The following PTPRF variants were observed in gnomAD, a reference collection of about 807,000 sequenced individuals.
PTPRF encodes the protein protein tyrosine phosphatase receptor type F, also known as receptor-type tyrosine-protein phosphatase F.
A neutral mutation model predicts 201.8 loss-of-function variants in PTPRF; 59 were observed. The observed-to-expected ratio is 0.29, with a 90% CI of 0.24 to 0.36. PTPRF has a LOEUF of 0.36. Ranked by LOEUF, PTPRF falls within the 10% of genes least tolerant of loss-of-function variation. The probability of loss-of-function intolerance (pLI) is 1.00; values close to 1 mark genes in which losing one functional copy is unlikely to be tolerated. For synonymous variants in PTPRF, 1,088 were observed against 1,089.7 expected, an observed-to-expected ratio of 1.00 and a Z score of 0.03; for missense variants, 2,132 against 2,690.5, an observed-to-expected ratio of 0.79 and a Z score of 4.59.
In PTPRF at chr1:43,602,234, G is replaced by A. The variant is rs141723169; in HGVS notation, c.2340+137G>A. The A allele has an allele frequency of 3.1e-4, 329 of 1,068,888 alleles. No homozygotes were observed. The African/African-American group carries it at 4.2e-3, about 14-fold the overall frequency. 66.2% of individuals were successfully genotyped at this position (1,068,888 alleles called of 1,614,324 possible). A position where few individuals can be genotyped will look rare whatever the true frequency, so the allele number is the denominator to read the frequency against. On this transcript the variant is annotated intron_variant, in intron 14 of 33. Transcript: ENST00000359947. ...CTAGCCACATCAGGAGAAAATTGGC[G>A]TTTAGACACAAGCACTGAGCTGAGC...
At chr1:43,598,990 A>C in intron 13 of PTPRF, 77 bp downstream of exon 13, 5 of 1,467,116 alleles carry the variant, frequency 3.4e-6, no homozygotes, top group Non-Finnish European at 4.6e-6. Flanking sequence ...GGGCCCAGAT[A>C]TGTCCCTCTT....
chr1:43,621,894 C>T lies in PTPRF; in HGVS notation c.5656-41C>T, dbSNP rs1228486653. 3.8e-6 allele frequency: 6 copies of T among 1,594,978 alleles called. No individual in the cohort carries two copies. In the African/African-American group the frequency reaches 5.4e-5, roughly 14 times the overall value. ...GTGTCAGCTGTGTAGTGGGGGTGTC[C>T]ACTGGCGCGACCCACACTGACCAGC... On this transcript the variant is annotated intron_variant, in intron 33 of 33. Transcript: ENST00000359947.
At chr1:43,614,665 C>G (rs1000706630) in intron 23 of PTPRF, among the ~76,000 whole-genome samples, 2 of 152,096 alleles carry the variant, frequency 1.3e-5, no homozygotes, top group African/African-American at 4.8e-5. Flanking sequence ...AGCCTGGCCA[C>G]CGTGGCGAAA....
At chr1:43,547,459 A>G (rs1004890099) in intron 3 of PTPRF, among the ~76,000 whole-genome samples, 1 of 152,236 alleles carries the variant, frequency 6.6e-6, no homozygotes, top group African/African-American at 2.4e-5. Context: ...ACCGAGCCGC[A>G]GGAGCCAGGG....
chr1:43,590,966 C>T lies in PTPRF; in HGVS notation c.950-6C>T, dbSNP rs1650529960. The stretch of plus-strand genomic sequence containing the variant: ...GGCAGCTTTGAGCCTTCCACTTTGT[C>T]TCCAGCTCTTCCAAAGCCTCCGATT... On this transcript the variant is annotated splice_polypyrimidine_tract_variant and splice_region_variant and intron_variant, in intron 8 of 33. Coordinates refer to ENST00000359947, the MANE Select transcript of PTPRF (RefSeq NM_002840.5). 1 of 1,600,510 alleles carries T rather than the reference C, an allele frequency of 6.2e-7. No individual in the cohort carries two copies. The highest frequency in any genetic ancestry group is 1.3e-5 in the African/African-American group (1 of 74,556).
intron 5 of PTPRF, among the ~76,000 whole-genome samples, chr1:43,564,184 T>G (rs1468495465): frequency 6.6e-6 from 1 of 152,164 alleles, no homozygotes; most frequent in Non-Finnish European, 1.5e-5. Context: ...CAGGCCCCCC[T>G]TACTGCCTGG....
In PTPRF at chr1:43,554,063, G is replaced by A. The variant is rs993646578; in HGVS notation, c.379+122G>A. 2.2e-6 allele frequency: 3 copies of A among 1,343,434 alleles called. No individual in the cohort carries two copies. Among genetic ancestry groups the A allele is most frequent in the African/African-American group, 2.9e-5 (2 of 68,748 alleles). The allele number at this position is 1,343,434 out of a possible 1,614,324, so 83.2% of individuals were successfully genotyped here. A position where few individuals can be genotyped will look rare whatever the true frequency, so the allele number is the denominator to read the frequency against. Reference sequence around the variant, plus strand: ...CAGAAAGGAGGACTGGCCACCTCGGGGTCAGTGAAAGTCAGTGGTGGACAG... The same window carrying A: ...CAGAAAGGAGGACTGGCCACCTCGGAGTCAGTGAAAGTCAGTGGTGGACAG... On this transcript the variant is annotated intron_variant, in intron 5 of 33. Transcript: ENST00000359947. The surrounding 1 kb of genome is among the most constrained non-coding windows in gnomAD (Gnocchi z 4.1).
rs562660311 is a variant in PTPRF, at chr1:43,546,888, A to G, written c.91+1722A>G. Among the ~76,000 whole-genome samples the G allele has an allele frequency of 4.2e-4, 64 of 152,250 alleles. No homozygotes were observed. The highest frequency in any genetic ancestry group is 4.0e-4 in the Non-Finnish European group (27 of 68,012). On this transcript the variant is annotated intron_variant, in intron 3 of 33. Coordinates refer to ENST00000359947, the MANE Select transcript of PTPRF (RefSeq NM_002840.5). The surrounding 1 kb of genome is among the most constrained non-coding windows in gnomAD (Gnocchi z 4.2). ...AAGCTCCGTTGCTTCTACCTTCTGAATATCTTTGGAATGCATCCACTTCTC... is the reference window on the plus strand; with the variant it reads ...AAGCTCCGTTGCTTCTACCTTCTGAGTATCTTTGGAATGCATCCACTTCTC...
chr1:43,589,918 CA>C (rs1234616270), intron 8 of PTPRF, among the ~76,000 whole-genome samples: 1 of 151,926 alleles, frequency 6.6e-6, no homozygotes, highest in Non-Finnish European at 1.5e-5. Flanking sequence ...CAATTCTCAA[CA>C]GCCTCTGATC....
In PTPRF at chr1:43,606,992, G is replaced by A. The variant is rs200879320; in HGVS notation, c.3857+24G>A. ...AGGTGAGCACTGCCCTCAGAGCTCC[G>A]GGAACGGCCACCTGCCCCTCGCCTT... On this transcript the variant is annotated intron_variant, in intron 21 of 33. Transcript: ENST00000359947. 78 of 1,610,016 alleles carry A rather than the reference G, an allele frequency of 4.8e-5. No individual in the cohort carries two copies. The Admixed American group carries it at 5.0e-4, about 10-fold the overall frequency.
At chr1:43,524,206 G>T (rs1276548619), upstream of PTPRF, among the ~76,000 whole-genome samples, 1 of 152,198 alleles carries the variant, frequency 6.6e-6, no homozygotes, top group Admixed American at 6.5e-5. Context: ...GGACTTTAGA[G>T]GCTCAGAAGT....
chr1:43,534,446 G>C (rs1193556808), intron 1 of PTPRF, among the ~76,000 whole-genome samples: 1 of 152,162 alleles, frequency 6.6e-6, no homozygotes, highest in Non-Finnish European at 1.5e-5. Flanking sequence ...GTGGTAGCAT[G>C]GTGCCATCTT....
intron 8 of PTPRF, among the ~76,000 whole-genome samples, chr1:43,590,189 C>T (rs952664101): frequency 6.6e-6 from 1 of 152,174 alleles, no homozygotes; most frequent in Non-Finnish European, 1.5e-5. Context: ...TTCCAGGCCT[C>T]AGCTTGGTGA....
chr1:43,615,835 G>A, intron 23 of PTPRF, among the ~76,000 whole-genome samples: 1 of 152,096 alleles, frequency 6.6e-6, no homozygotes, highest in East Asian at 1.9e-4. Flanking sequence ...CAAGTGCTGG[G>A]ATTACAGGCG....
upstream of PTPRF, among the ~76,000 whole-genome samples, chr1:43,523,794 C>T (rs1643017634): frequency 1.3e-5 from 2 of 152,032 alleles, no homozygotes; most frequent in Admixed American, 1.3e-4. Flanking sequence ...CGCCTATAAT[C>T]CCAGCAACTT....
upstream of PTPRF, among the ~76,000 whole-genome samples, chr1:43,524,889 G>A (rs541186487): frequency 2.0e-5 from 3 of 152,214 alleles, no homozygotes; most frequent in Non-Finnish European, 2.9e-5. Flanking sequence ...TGGAATAGCC[G>A]TTACAGAGAG....
chr1:43,598,260 A>G (rs1652874562), intron 12 of PTPRF: 3 of 523,560 alleles, frequency 5.7e-6, no homozygotes, highest in Non-Finnish European at 9.7e-6. Context: ...AGCAGCTGAA[A>G]CCTTCACAGG....
intron 3 of PTPRF, among the ~76,000 whole-genome samples, chr1:43,550,876 G>C (rs757374596): frequency 2.6e-5 from 4 of 152,206 alleles, no homozygotes; most frequent in African/African-American, 4.8e-5. Context: ...ATGGAAGTTA[G>C]AGTGTATGGC....
At chr1:43,522,338 TC>T (rs1484865300), upstream of PTPRF, among the ~76,000 whole-genome samples, 1 of 152,144 alleles carries the variant, frequency 6.6e-6, no homozygotes, top group East Asian at 1.9e-4. Context: ...AGAGTAACTC[TC>T]CCCTGCTTTT....
Sources: allele counts gnomAD v4.1 joint callset (sites outside exome capture counted in the v4.1 genomes callset), GRCh38; gene constraint gnomAD v4.1.1; non-coding constraint Gnocchi (gnomAD v3.1); transcripts MANE v1.5; gene names NCBI Gene and HGNC (gene_info 2026-07-23, HGNC 2026-07-21).